NOC3L: variants seen among roughly 807,000 people sequenced by gnomAD.
NOC3L encodes the protein NOC3 like DNA replication regulator, also known as nucleolar complex protein 3 homolog.
A neutral mutation model predicts 102.5 loss-of-function variants in NOC3L; 85 were observed. That is an observed-to-expected ratio of 0.83 (90% confidence interval 0.70 to 0.99). The LOEUF (loss-of-function observed/expected upper bound fraction) is 0.99. NOC3L is among the 50% of genes least tolerant of loss of function. NOC3L has a pLI of 0.00. For missense variants in NOC3L, 878 were observed against 914.9 expected (o/e 0.96, Z 0.52); for synonymous variants, 303 against 309.4 (o/e 0.98, Z 0.22).
chr10:94,326,009 T>TTCTA, the NOC3L span, among the ~76,000 whole-genome samples: 11 of 152,288 alleles, frequency 7.2e-5, no homozygotes, highest in African/African-American at 2.4e-4. Context: ...ACAAATTTCA[T>TTCTA]TCTATCTTAA....
At chr10:94,351,420 C>T (rs1564915297) in intron 8 of NOC3L, among the ~76,000 whole-genome samples, 1 of 152,194 alleles carries the variant, frequency 6.6e-6, no homozygotes, top group African/African-American at 2.4e-5. Context: ...CCTATTTTTT[C>T]TATGTCCTTC....
chr10:94,360,968 C>T (rs1253490990), intron 2 of NOC3L, among the ~76,000 whole-genome samples: 2 of 151,852 alleles, frequency 1.3e-5, no homozygotes. Flanking sequence ...GCTATTTTTG[C>T]ACACTGCACT....
intron 19 of NOC3L, among the ~76,000 whole-genome samples, chr10:94,336,822 A>AGGC (rs1423496254): frequency 1.3e-5 from 2 of 151,944 alleles, no homozygotes; most frequent in African/African-American, 4.8e-5. Flanking sequence ...TAATCCCAAC[A>AGGC]CTTTAGGAGG....
chr10:94,335,483 G>A (rs1318543321), intron 19 of NOC3L, among the ~76,000 whole-genome samples: 2 of 152,092 alleles, frequency 1.3e-5, no homozygotes, highest in African/African-American at 4.8e-5. Context: ...GGGGACAGGT[G>A]AGAAGTGTGA....
intron 18 of NOC3L, 42 bp from the exon 19 acceptor site, chr10:94,337,916 C>A (rs1488818229): frequency 1.4e-6 from 2 of 1,441,894 alleles, no homozygotes; most frequent in Admixed American, 4.0e-5. Flanking sequence ...ACAGGTCAGT[C>A]CTTTACAAAA....
chr10:94,332,376 C>T (rs1180803378), downstream of NOC3L: 2 of 152,180 alleles, frequency 1.3e-5, no homozygotes, highest in Non-Finnish European at 2.9e-5. Flanking sequence ...GGTTGTCTTA[C>T]ACCCATTATT....
intron 11 of NOC3L, among the ~76,000 whole-genome samples, chr10:94,346,164 A>G (rs1319841822): frequency 6.6e-6 from 1 of 152,188 alleles, no homozygotes; most frequent in East Asian, 1.9e-4. Flanking sequence ...CTCTAAATTG[A>G]TCTAAAAAGC....
At chr10:94,350,732 A>AAAG in intron 8 of NOC3L, among the ~76,000 whole-genome samples, 1 of 150,972 alleles carries the variant, frequency 6.6e-6, no homozygotes, top group African/African-American at 2.5e-5. Context: ...AAAAAAAAAA[A>AAAG]AAGAAGAAGA....
chr10:94,346,706 A>G (rs141674115), intron 10 of NOC3L, 150 bp from the exon 11 acceptor site: 162 of 401,354 alleles, frequency 4.0e-4, no homozygotes, highest in African/African-American at 3.2e-3. Context: ...AACTTCTTTT[A>G]TCTGTATGCT....
intron 2 of NOC3L, among the ~76,000 whole-genome samples, chr10:94,360,320 AAATAAT>A (rs559843588): frequency 2.6e-5 from 4 of 151,982 alleles, no homozygotes; most frequent in South Asian, 2.1e-4. Flanking sequence ...ATCTCAAAAA[AAATAAT>A]AATAATAATA....
chr10:94,358,168 A>C lies in NOC3L; in HGVS notation c.265T>G (p.Leu89Val). 1 of 1,609,756 alleles carries C rather than the reference A, an allele frequency of 6.2e-7. No individual in the cohort carries two copies. Among genetic ancestry groups the C allele is most frequent in the South Asian group, 1.1e-5 (1 of 91,012 alleles). ...EEEEEEEALP[L>V]DMMDEDDLQL... Reference sequence around the variant, plus strand: ...AAGTCATCTTCATCCATCATATCTAAAGGAAGGGCTTCTTCTTCTTCCTCT... The same window carrying C: ...AAGTCATCTTCATCCATCATATCTACAGGAAGGGCTTCTTCTTCTTCCTCT... Residue 89 changes from leucine to valine, a missense_variant, in exon 3 of 21, where the codon TTA becomes GTA. Physicochemically the swap from Leu to Val is conservative, Grantham distance 32 (BLOSUM62 1). Coordinates refer to ENST00000371361, the MANE Select transcript of NOC3L (RefSeq NM_022451.11).
intron 3 of NOC3L, 173 bp downstream of exon 3, chr10:94,357,910 T>C (rs564395446): frequency 1.7e-6 from 1 of 583,380 alleles, no homozygotes; most frequent in Non-Finnish European, 3.0e-6. Context: ...TTAAATGAAA[T>C]CAGCTTATCT....
chr10:94,317,919 G>A, the NOC3L span, among the ~76,000 whole-genome samples: 1 of 152,184 alleles, frequency 6.6e-6, no homozygotes, highest in Admixed American at 6.5e-5. Context: ...CTGGGCACAT[G>A]ATCTGCTCCT....
chr10:94,331,752 T>C (rs1014522440), downstream of NOC3L: 1 of 152,220 alleles, frequency 6.6e-6, no homozygotes, highest in African/African-American at 2.4e-5. Flanking sequence ...TCTGCCATCC[T>C]TATGTAGCAG....
the NOC3L span, among the ~76,000 whole-genome samples, chr10:94,327,008 A>T: frequency 6.6e-6 from 1 of 152,048 alleles, no homozygotes; most frequent in Non-Finnish European, 1.5e-5. Flanking sequence ...AAAATACAAC[A>T]ACAGTTAGCT....
intron 3 of NOC3L, 35 bp from the exon 4 acceptor site, chr10:94,357,366 A>T: frequency 6.7e-7 from 1 of 1,503,322 alleles, no homozygotes; most frequent in South Asian, 1.4e-5. Flanking sequence ...TTCAGTCTTA[A>T]TAGATCTAAA....
chr10:94,319,460 C>G, the NOC3L span, among the ~76,000 whole-genome samples: 11 of 152,144 alleles, frequency 7.2e-5, no homozygotes, highest in Non-Finnish European at 1.5e-4. Context: ...TATGAAAATT[C>G]TTCAGTTGCT....
chr10:94,345,514 A>G (rs2054332744), intron 11 of NOC3L, among the ~76,000 whole-genome samples: 1 of 152,182 alleles, frequency 6.6e-6, no homozygotes, highest in Admixed American at 6.5e-5. Context: ...CCTGAGGCAC[A>G]GGGAACTGAA....
intron 14 of NOC3L, 149 bp downstream of exon 14, chr10:94,341,524 C>A (rs976826470): frequency 2.6e-6 from 1 of 391,508 alleles, no homozygotes; most frequent in African/African-American, 2.1e-5. Context: ...TGGTGGTAAT[C>A]ATATGATCAT....
Sources: allele counts gnomAD v4.1 joint callset (sites outside exome capture counted in the v4.1 genomes callset), GRCh38; gene constraint gnomAD v4.1.1; transcripts MANE v1.5; gene names NCBI Gene and HGNC (gene_info 2026-07-23, HGNC 2026-07-21).